The following ARID2 variants were observed in gnomAD, a reference collection of about 807,000 sequenced individuals.
The protein encoded by ARID2 is AT-rich interaction domain 2, also known as AT-rich interactive domain-containing protein 2.
ARID2 carries 32 observed loss-of-function variants against 184.6 expected under a neutral mutation model. That is an observed-to-expected ratio of 0.17 (90% CI 0.13 to 0.23). The LOEUF (loss-of-function observed/expected upper bound fraction) is 0.23. Among genes scored for constraint, ARID2 ranks in the 10% least tolerant of loss-of-function variants. ARID2 has a pLI of 1.00. For synonymous variants in ARID2, 836 were observed against 772.6 expected (o/e 1.08, Z -1.36); for missense variants, 1,696 against 2,197.6 (o/e 0.77, Z 4.56).
chr12:45,896,645 C>G lies in ARID2; in HGVS notation c.5363+2924C>G, dbSNP rs190304560. On this transcript the variant is annotated intron_variant, in intron 20 of 20. Coordinates refer to ENST00000334344, the MANE Select transcript of ARID2 (RefSeq NM_152641.4). ...TAAACCTCTTTCTTTTGTAAATTGC[C>G]CAGTCTTGGGTATGTCTTTATCAGC... Among the ~76,000 whole-genome samples the G allele has an allele frequency of 5.7e-3, 875 of 152,202 alleles. 5 individuals carry two copies. The highest frequency in any genetic ancestry group is 0.01 in the Admixed American group (158 of 15,282).
chr12:45,828,266 GAA>G (rs1309252185), intron 6 of ARID2, among the ~76,000 whole-genome samples: 1 of 151,680 alleles, frequency 6.6e-6, no homozygotes, highest in Admixed American at 6.6e-5. Context: ...TCATGTTTGT[GAA>G]AGTTTCATGC....
intron 3 of ARID2, among the ~76,000 whole-genome samples, chr12:45,809,133 GTTAT>G (rs1485886564): frequency 6.6e-6 from 1 of 152,000 alleles, no homozygotes. Flanking sequence ...TCCTAAACCT[GTTAT>G]TTAATGGTCT....
At position 45,729,732 on chromosome 12, in the gene ARID2, C is replaced by T; in HGVS notation, c.-105C>T. ...CCGGCCCATGACTGAGCCCCGCCGCCGCCGGCCGAGGAATGGGCTCCGGGC... is the reference window on the plus strand; with the variant it reads ...CCGGCCCATGACTGAGCCCCGCCGCTGCCGGCCGAGGAATGGGCTCCGGGC... On this transcript the variant is annotated 5_prime_UTR_variant, in exon 1 of 21. Transcript: ENST00000334344. The T allele has an allele frequency of 8.3e-7, 1 of 1,203,732 alleles. No homozygotes were observed. The highest frequency in any genetic ancestry group is 1.2e-6 in the Non-Finnish European group (1 of 863,394). The allele number at this position is 1,203,732 out of a possible 1,614,324, so 74.6% of individuals were successfully genotyped here.
intron 3 of ARID2, among the ~76,000 whole-genome samples, chr12:45,799,040 G>A (rs1353847132): frequency 6.6e-6 from 1 of 151,844 alleles, no homozygotes; most frequent in African/African-American, 2.4e-5. Flanking sequence ...TTAATAAAGT[G>A]AAATAAATTC....
intron 6 of ARID2, among the ~76,000 whole-genome samples, chr12:45,826,839 A>G (rs1943011379): frequency 6.6e-6 from 1 of 152,102 alleles, no homozygotes; most frequent in Admixed American, 6.6e-5. Flanking sequence ...CCTTATATAC[A>G]TCTATCGAGT....
intron 18 of ARID2, among the ~76,000 whole-genome samples, 162 bp from the exon 19 acceptor site, chr12:45,893,258 A>C (rs1484346701): frequency 3.3e-5 from 5 of 152,240 alleles, no homozygotes; most frequent in Non-Finnish European, 7.3e-5. Flanking sequence ...CTAGGCTGTC[A>C]CAGAGCATAA....
chr12:45,866,072 A>G (rs1388294472), intron 16 of ARID2, among the ~76,000 whole-genome samples: 4 of 152,072 alleles, frequency 2.6e-5, no homozygotes, highest in Admixed American at 6.5e-5. Flanking sequence ...AAAAGTATAC[A>G]TGTATACTTT....
Position 45,854,020 on chromosome 12 carries a change from C to T in ARID2, c.4773+1124C>T, listed in dbSNP as rs542724534. 1.9e-4 allele frequency among the ~76,000 whole-genome samples: 29 copies of T among 152,154 alleles called. 1 individual carries two copies. Among genetic ancestry groups the T allele is most frequent in the Admixed American group, 7.2e-4 (11 of 15,266 alleles). On this transcript the variant is annotated intron_variant, in intron 15 of 20. Transcript: ENST00000334344. The stretch of plus-strand genomic sequence containing the variant: ...ACTTACAGCCGCTTCCCATCACTCA[C>T]GTTATATCCTGAGCTCTGTCTCCTG...
rs535940656 is a variant in ARID2, at chr12:45,742,973, A to T, written c.284+11659A>T. On this transcript the variant is annotated intron_variant, in intron 3 of 20. Coordinates refer to ENST00000334344, the MANE Select transcript of ARID2 (RefSeq NM_152641.4). ...CTTTGCTCTGTTGTCTGGCTTGTTA[A>T]ATTTCTCTAATATAGGGGATTAAGA... Among the ~76,000 whole-genome samples the T allele has an allele frequency of 3.3e-5, 5 of 152,254 alleles. No homozygotes were observed. The South Asian group carries it at 1.0e-3, about 32-fold the overall frequency.
rs954873297 is a variant in ARID2, at chr12:45,809,253, A to C, written c.285-2165A>C. ...TCAAACAATTCTAAAAGATTGTACT[A>C]TGTAAAATACCTTTATGAATACTAT... is the stretch of plus-strand genomic sequence containing the variant. On this transcript the variant is annotated intron_variant, in intron 3 of 20. Coordinates refer to ENST00000334344, the MANE Select transcript of ARID2 (RefSeq NM_152641.4). Among the ~76,000 whole-genome samples the C allele has an allele frequency of 4.6e-5, 7 of 152,254 alleles. No homozygotes were observed. The South Asian group carries it at 1.4e-3, about 31-fold the overall frequency.
At chr12:45,749,706 A>G (rs1056168998) in intron 3 of ARID2, among the ~76,000 whole-genome samples, 5 of 152,182 alleles carry the variant, frequency 3.3e-5, no homozygotes, top group African/African-American at 1.2e-4. Flanking sequence ...CTGTAGATTC[A>G]CTGTCACCAC....
At chr12:45,776,843 C>T (rs935152536) in intron 3 of ARID2, among the ~76,000 whole-genome samples, 12 of 149,958 alleles carry the variant, frequency 8.0e-5, no homozygotes, top group Admixed American at 2.0e-4. Flanking sequence ...AGTACAGCGC[C>T]GTGATCTCGG....
At chr12:45,753,050 C>T (rs931664354) in intron 3 of ARID2, among the ~76,000 whole-genome samples, 17 of 152,058 alleles carry the variant, frequency 1.1e-4, no homozygotes, top group Non-Finnish European at 2.1e-4. Flanking sequence ...CACCTGAGGT[C>T]GGGAGTTCAA....
At chr12:45,745,059 A>T (rs1188779796) in intron 3 of ARID2, among the ~76,000 whole-genome samples, 2 of 152,236 alleles carry the variant, frequency 1.3e-5, no homozygotes, top group Non-Finnish European at 2.9e-5. Flanking sequence ...TTTATTGATC[A>T]GTTCTTGCTC....
intron 6 of ARID2, among the ~76,000 whole-genome samples, chr12:45,832,978 T>C (rs1007771591): frequency 8.5e-5 from 13 of 152,166 alleles, no homozygotes; most frequent in African/African-American, 3.1e-4. Context: ...CCACAGATAC[T>C]GAGGGATGAC....
At chr12:45,882,509 A>G (rs1944122071) in intron 16 of ARID2, among the ~76,000 whole-genome samples, 1 of 152,260 alleles carries the variant, frequency 6.6e-6, no homozygotes, top group Admixed American at 6.5e-5. Flanking sequence ...GATTACTTCT[A>G]CTTCTTCCAA....
chr12:45,850,606 C>T lies in ARID2; in HGVS notation c.2483C>T (p.Pro828Leu), dbSNP rs753044989. 3.7e-6 allele frequency: 6 copies of T among 1,614,150 alleles called. No individual in the cohort carries two copies. The highest frequency in any genetic ancestry group is 5.1e-6 in the Non-Finnish European group (6 of 1,179,996). ...CAGTTAATCACCACATCACCCCAAC[C>T]TGTGCAAACTTCATCTCAACAGACA... is the stretch of plus-strand genomic sequence containing the variant. The part of the protein sequence containing the change: ...GQQLITTSPQ[P>L]VQTSSQQTSA... Residue 828 changes from proline (P) to leucine (L), a missense_variant, in exon 15 of 21, where the codon CCT becomes CTT. By Grantham distance (98) the Pro-to-Leu change is moderately conservative. Around this residue, in one of 11 missense-constraint regions of ARID2, gnomAD observed 713 missense variants for 824.4 expected, o/e 0.86. Transcript: ENST00000334344.
chr12:45,787,302 C>T (rs553624645), intron 3 of ARID2, among the ~76,000 whole-genome samples: 5 of 151,646 alleles, frequency 3.3e-5, no homozygotes, highest in Middle Eastern at 3.4e-3. Context: ...ACTATAGCCT[C>T]GACCTCCCAG....
At chr12:45,742,295 T>TA (rs1162511657) in intron 3 of ARID2, among the ~76,000 whole-genome samples, 1 of 152,252 alleles carries the variant, frequency 6.6e-6, no homozygotes, top group Admixed American at 6.5e-5. Flanking sequence ...TATGTTTAGA[T>TA]ACACAAATAT....
Sources: allele counts gnomAD v4.1 joint callset (sites outside exome capture counted in the v4.1 genomes callset), GRCh38; gene constraint gnomAD v4.1.1; regional missense constraint gnomAD v4.1.1; transcripts MANE v1.5; gene names NCBI Gene and HGNC (gene_info 2026-07-23, HGNC 2026-07-21).